The following GRAMD1B variants were observed in gnomAD, a reference collection of about 807,000 sequenced individuals.
GRAMD1B encodes GRAM domain containing 1B.
Under a neutral mutation model 99.7 loss-of-function variants are expected in GRAMD1B, and 37 were observed. The ratio of observed to expected loss-of-function variants is 0.37; its 90% CI spans 0.29 to 0.49. The LOEUF (loss-of-function observed/expected upper bound fraction) is 0.49, where lower values mean the gene tolerates loss of function less well. Ranked by LOEUF, GRAMD1B falls within the 20% of genes least tolerant of loss-of-function variation. The pLI is 0.98. For missense variants in GRAMD1B, 888 were observed against 1,009.2 expected (o/e 0.88, Z 1.63); for synonymous variants, 427 against 387.6 (o/e 1.10, Z -1.19).
chr11:123,612,770 A>G lies in GRAMD1B; in HGVS notation c.1929A>G (p.Thr643=), dbSNP rs777293035. The G allele has an allele frequency of 6.3e-7, 1 of 1,598,682 alleles. No individual in the cohort carries two copies. The highest frequency in any genetic ancestry group is 2.2e-5 in the East Asian group (1 of 44,644). ...CTGGCTTGCTCCTCAGGGTCTCCAC[A>G]GAGCTGCGCTATCGAAAACAGCCCT... ...ARNKSRLRVS[T]ELRYRKQPWG... Residue 643 remains threonine (T), a synonymous_variant, in exon 15 of 20, where the codon ACA becomes ACG. Coordinates refer to ENST00000635736, the MANE Select transcript of GRAMD1B (RefSeq NM_001387025.1).
chr11:123,425,963 C>T (rs1287485720), upstream of GRAMD1B, among the ~76,000 whole-genome samples: 1 of 152,102 alleles, frequency 6.6e-6, no homozygotes. Flanking sequence ...TCTTCATCCC[C>T]GAACCCTCAC....
chr11:123,499,945 A>T (rs979928735), intron 2 of GRAMD1B, among the ~76,000 whole-genome samples: 1 of 152,210 alleles, frequency 6.6e-6, no homozygotes, highest in African/African-American at 2.4e-5. Flanking sequence ...TTCCCTGTAG[A>T]AATGAAACAG....
At chr11:123,472,588 TGA>T in intron 1 of GRAMD1B, among the ~76,000 whole-genome samples, 1 of 152,158 alleles carries the variant, frequency 6.6e-6, no homozygotes, top group Non-Finnish European at 1.5e-5. Flanking sequence ...CTCACTCTTG[TGA>T]GAGAGAGGGG....
At chr11:123,404,093 C>G (rs1947770275) in intron 1 of GRAMD1B, among the ~76,000 whole-genome samples, 2 of 152,114 alleles carry the variant, frequency 1.3e-5, no homozygotes, top group South Asian at 4.1e-4. Context: ...TTCTCTGTCC[C>G]TTTTATTCCT....
At chr11:123,505,116 ATTTCC>A (rs1940284723) in intron 2 of GRAMD1B, among the ~76,000 whole-genome samples, 1 of 151,692 alleles carries the variant, frequency 6.6e-6, no homozygotes, top group Non-Finnish European at 1.5e-5. Context: ...CTCCTGTTGT[ATTTCC>A]TTATTCCTCT....
intron 1 of GRAMD1B, among the ~76,000 whole-genome samples, chr11:123,403,152 C>T (rs964531187): frequency 7.2e-5 from 11 of 152,114 alleles, no homozygotes; most frequent in Admixed American, 3.3e-4. Context: ...GGGCCGGGCA[C>T]GGAGGCTCAC....
intron 1 of GRAMD1B, among the ~76,000 whole-genome samples, chr11:123,470,881 T>A (rs34057425): frequency 0.25 from 37,726 of 152,058 alleles, 5,414 homozygotes; most frequent in Non-Finnish European, 0.32. Context: ...TGCTGTCCAA[T>A]AAAGTTTTCT....
At chr11:123,402,664 C>T (rs1249556079) in intron 1 of GRAMD1B, among the ~76,000 whole-genome samples, 2 of 152,206 alleles carry the variant, frequency 1.3e-5, no homozygotes, top group Non-Finnish European at 2.9e-5. Context: ...AGACTTTCTG[C>T]TCTCTTTCCT....
intron 1 of GRAMD1B, among the ~76,000 whole-genome samples, chr11:123,416,655 C>T (rs1948241287): frequency 6.6e-6 from 1 of 152,118 alleles, no homozygotes; most frequent in African/African-American, 2.4e-5. Flanking sequence ...TTTTATAGTG[C>T]CCTATGGTGG....
At chr11:123,460,044 TA>T (rs1386769265) in intron 1 of GRAMD1B, 2 of 152,168 alleles carry the variant, frequency 1.3e-5, no homozygotes, top group Admixed American at 6.5e-5. Context: ...TAATTGGATA[TA>T]GGCCAGGAGT....
intron 1 of GRAMD1B, among the ~76,000 whole-genome samples, chr11:123,447,110 A>G (rs1949679545): frequency 6.6e-6 from 1 of 152,074 alleles, no homozygotes; most frequent in Non-Finnish European, 1.5e-5. Flanking sequence ...TAAAGCATGA[A>G]AAAAAAATTG....
chr11:123,471,815 C>T lies in GRAMD1B; in HGVS notation c.375-9001C>T, dbSNP rs544773896. Among the ~76,000 whole-genome samples, 90 of 152,232 alleles carry T rather than the reference C, an allele frequency of 5.9e-4. 2 individuals carry two copies. Among genetic ancestry groups the T allele is most frequent in the Middle Eastern group, 3.4e-3 (1 of 294 alleles). On this transcript the variant is annotated intron_variant, in intron 1 of 19. Transcript: ENST00000635736. ...ATCATTTTTAAGCTTTTTAAAAATA[C>T]GTATACCTGGACAGGTTCATACTCC...
At position 123,430,764 on chromosome 11, in the gene GRAMD1B, T is replaced by A. The variant is rs1413472666; in HGVS notation, c.-29T>A. 3.1e-6 allele frequency: 2 copies of A among 647,736 alleles called. No homozygotes were observed. The highest frequency in any genetic ancestry group is 3.6e-5 in the African/African-American group (2 of 55,340). 40.1% of individuals were successfully genotyped at this position (647,736 alleles called of 1,614,324 possible). A position where few individuals can be genotyped will look rare whatever the true frequency, so the allele number is the denominator to read the frequency against. ...GCGAACCAGGCCGCTGGCGGAGGGC[T>A]CAGGGGGAGCGCAGAGGCGACGGCC... On this transcript the variant is annotated 5_prime_UTR_variant, in exon 1 of 20. Coordinates refer to ENST00000635736, the MANE Select transcript of GRAMD1B (RefSeq NM_001387025.1).
chr11:123,583,364 T>C (rs777030861), intron 3 of GRAMD1B, among the ~76,000 whole-genome samples: 5 of 149,894 alleles, frequency 3.3e-5, no homozygotes, highest in Non-Finnish European at 7.4e-5. Context: ...TGTGTGTATG[T>C]GTGTGTGCAC....
chr11:123,531,542 C>G (rs1943370586), intron 2 of GRAMD1B, among the ~76,000 whole-genome samples: 1 of 152,142 alleles, frequency 6.6e-6, no homozygotes, highest in African/African-American at 2.4e-5. Context: ...CGAAGCCCTT[C>G]CCTCCCGGCC....
Position 123,603,441 on chromosome 11 carries a change from G to A in GRAMD1B, c.1066G>A (p.Glu356Lys). The A allele has an allele frequency of 6.2e-7, 1 of 1,609,702 alleles. No homozygotes were observed. The highest frequency in any genetic ancestry group is 8.5e-7 in the Non-Finnish European group (1 of 1,175,906). The change falls in exon 9 of 20, where the codon GAG becomes AAG. Residue 356 changes from glutamate to lysine, a missense_variant. Coordinates refer to ENST00000635736, the MANE Select transcript of GRAMD1B (RefSeq NM_001387025.1). ...ALLEKPLCPK[E>K]LWHFVHQCYG... ...TCCCCTGAAGCCTCTGTGTCCCAAG[G>A]AGCTCTGGCACTTTGTTCACCAGTG...
intron 4 of GRAMD1B, among the ~76,000 whole-genome samples, chr11:123,588,994 A>G (rs1053757658): frequency 6.6e-6 from 1 of 151,934 alleles, no homozygotes; most frequent in Non-Finnish European, 1.5e-5. Flanking sequence ...CCTGAGGATA[A>G]TTTTATATAA....
At chr11:123,512,672 AC>A (rs908178857) in intron 2 of GRAMD1B, among the ~76,000 whole-genome samples, 1 of 149,418 alleles carries the variant, frequency 6.7e-6, no homozygotes, top group Non-Finnish European at 1.5e-5. Context: ...GCTAACAGAA[AC>A]CGATGTCATT....
chr11:123,597,051 T>C (rs925412834), intron 7 of GRAMD1B, among the ~76,000 whole-genome samples: 1 of 151,814 alleles, frequency 6.6e-6, no homozygotes, highest in Non-Finnish European at 1.5e-5. Flanking sequence ...CATTCTGACC[T>C]AGCAAGCAGG....
Sources: allele counts gnomAD v4.1 joint callset (sites outside exome capture counted in the v4.1 genomes callset), GRCh38; gene constraint gnomAD v4.1.1; transcripts MANE v1.5; gene names NCBI Gene and HGNC (gene_info 2026-07-23, HGNC 2026-07-21).